The following NREP variants were observed in gnomAD, a reference collection of about 807,000 sequenced individuals.
NREP encodes the protein neuronal regeneration related protein, also known as neuronal regeneration-related protein.
NREP carries 5 observed loss-of-function variants against 8.6 expected under a neutral mutation model. The observed-to-expected ratio is 0.58, with a 90% CI of 0.30 to 1.22. NREP has a LOEUF of 1.22. Among genes scored for constraint, NREP ranks in the 50% most tolerant of loss-of-function variants. The pLI, the probability that NREP is intolerant of heterozygous loss-of-function variation, is 0.07. For synonymous variants in NREP, 27 were observed against 28.0 expected (o/e 0.96, Z 0.11); for missense variants, 86 against 82.5 (o/e 1.04, Z -0.17).
intron 2 of NREP, among the ~76,000 whole-genome samples, chr5:111,827,809 C>T (rs1050903888): frequency 1.3e-5 from 2 of 152,036 alleles, no homozygotes; most frequent in East Asian, 1.9e-4. Context: ...TGCCACTGCA[C>T]TCCAGCCTGG....
intron 2 of NREP, among the ~76,000 whole-genome samples, chr5:111,899,001 T>C (rs1481062182): frequency 1.3e-5 from 2 of 152,044 alleles, no homozygotes; most frequent in African/African-American, 4.8e-5. Flanking sequence ...CAAGCTATTA[T>C]TCAAAAATGA....
intron 2 of NREP, among the ~76,000 whole-genome samples, chr5:111,740,307 T>G (rs948154769): frequency 1.3e-5 from 2 of 152,152 alleles, no homozygotes; most frequent in Admixed American, 6.6e-5. Context: ...ATAATTAATA[T>G]ACTTAAACCC....
chr5:111,760,225 C>G (rs1042525064), upstream of NREP, among the ~76,000 whole-genome samples: 1 of 152,156 alleles, frequency 6.6e-6, no homozygotes, highest in Non-Finnish European at 1.5e-5. Context: ...GTAGGAAACG[C>G]CAGTTGTCAC....
At chr5:111,821,207 GC>G (rs1462987755) in intron 2 of NREP, among the ~76,000 whole-genome samples, 1 of 152,162 alleles carries the variant, frequency 6.6e-6, no homozygotes, top group Admixed American at 6.5e-5. Context: ...CAGTGTAGCA[GC>G]CCTGTTAGAT....
At chr5:111,975,423 T>C (rs1245689378) in intron 1 of NREP, 2 of 1,350,432 alleles carry the variant, frequency 1.5e-6, no homozygotes, top group African/African-American at 2.9e-5. Flanking sequence ...CTGACCCCCC[T>C]GAGTGCCACA....
intron 2 of NREP, among the ~76,000 whole-genome samples, chr5:111,918,248 G>A (rs1581217488): frequency 6.6e-6 from 1 of 152,178 alleles, no homozygotes; most frequent in Admixed American, 6.5e-5. Flanking sequence ...TCATGAATAG[G>A]AAGAATCAAT....
intron 2 of NREP, among the ~76,000 whole-genome samples, chr5:111,796,926 G>A (rs891507190): frequency 5.3e-5 from 8 of 152,116 alleles, no homozygotes; most frequent in Admixed American, 1.3e-4. Context: ...AGGGCTTGCT[G>A]TCCCTGATGT....
At chr5:111,961,775 A>C (rs1035735090) in intron 2 of NREP, among the ~76,000 whole-genome samples, 1 of 152,190 alleles carries the variant, frequency 6.6e-6, no homozygotes, top group African/African-American at 2.4e-5. Context: ...CCAAATATAA[A>C]TGCCTTTAGA....
chr5:111,889,981 C>A lies in NREP; in HGVS notation c.135+85293G>T, dbSNP rs142705026. ...TTGATCAGTTAGGGTGGGACAGGAA[C>A]AAATCACAATGGTGGAAGGTCATCA... On this transcript the variant is annotated intron_variant, in intron 2 of 3. Transcript: ENST00000395634. Among the ~76,000 whole-genome samples, 805 of 152,220 alleles carry A rather than the reference C, an allele frequency of 5.3e-3. 12 individuals carry two copies. Among genetic ancestry groups the A allele is most frequent in the African/African-American group, 0.019 (770 of 41,528 alleles).
intron 2 of NREP, among the ~76,000 whole-genome samples, chr5:111,836,604 G>C (rs1581153887): frequency 6.6e-6 from 1 of 152,198 alleles, no homozygotes; most frequent in African/African-American, 2.4e-5. Flanking sequence ...AAGTAGACAT[G>C]TGACAAATAG....
intron 2 of NREP, among the ~76,000 whole-genome samples, chr5:111,805,970 GA>G (rs11324493): frequency 0.035 from 5,365 of 152,176 alleles, 312 homozygotes; most frequent in African/African-American, 0.12. Flanking sequence ...ATGTTAATTA[GA>G]TTCCACAGTG....
rs188264882 is a variant in NREP at position 111,881,335 on chromosome 5, T to G, written c.135+93939A>C. ...ACAAAGCAGCCTGGGAAGCTCCAAC[T>G]GGGTGGAGCCCACCACAGCTCAAGG... On this transcript the variant is annotated intron_variant, in intron 2 of 3. Transcript: ENST00000395634. Among the ~76,000 whole-genome samples, 1,305 of 152,304 alleles carry G rather than the reference T, an allele frequency of 8.6e-3. 21 individuals carry two copies. The highest frequency in any genetic ancestry group is 0.03 in the African/African-American group (1,241 of 41,578).
At chr5:111,932,149 A>C (rs1755558812) in intron 2 of NREP, among the ~76,000 whole-genome samples, 1 of 151,836 alleles carries the variant, frequency 6.6e-6, no homozygotes, top group Admixed American at 6.6e-5. Flanking sequence ...GAAAAAGAGA[A>C]AATCTGTTTA....
intron 1 of NREP, among the ~76,000 whole-genome samples, chr5:111,975,839 C>T (rs1412770873): frequency 1.3e-5 from 2 of 152,104 alleles, no homozygotes; most frequent in African/African-American, 4.8e-5. Flanking sequence ...TTAATTTCAC[C>T]TGCAATTATT....
At chr5:111,842,710 A>G (rs929569580) in intron 2 of NREP, among the ~76,000 whole-genome samples, 2 of 152,116 alleles carry the variant, frequency 1.3e-5, no homozygotes, top group African/African-American at 4.8e-5. Context: ...GTGCCCTTTC[A>G]TTTCAACTTG....
At chr5:111,762,096 G>A (rs1363197351), upstream of NREP, among the ~76,000 whole-genome samples, 4 of 152,088 alleles carry the variant, frequency 2.6e-5, no homozygotes, top group African/African-American at 9.7e-5. Context: ...AAGATGGAGG[G>A]CATGGGAAAG....
intron 2 of NREP, among the ~76,000 whole-genome samples, chr5:111,801,861 G>C (rs1054226501): frequency 2.0e-5 from 3 of 152,192 alleles, no homozygotes; most frequent in Admixed American, 2.0e-4. Flanking sequence ...CATGGGAAAG[G>C]AGGAAAAGCT....
At chr5:111,748,630 G>C (rs1750161069) in intron 2 of NREP, among the ~76,000 whole-genome samples, 1 of 152,088 alleles carries the variant, frequency 6.6e-6, no homozygotes. Context: ...TCACTTTGTA[G>C]AAAGAGAACA....
intron 2 of NREP, among the ~76,000 whole-genome samples, chr5:111,880,308 G>A (rs868435064): frequency 2.6e-5 from 4 of 152,208 alleles, no homozygotes; most frequent in African/African-American, 7.2e-5. Context: ...GGTAGAATAA[G>A]TATATTCATT....
Sources: gnomAD v4.1 joint callset for allele counts (sites outside exome capture counted in the v4.1 genomes callset) on GRCh38, gnomAD v4.1.1 for gene constraint, MANE v1.5 for transcripts, NCBI Gene and HGNC (gene_info 2026-07-23, HGNC 2026-07-21) for gene names.